Variants in NWD2 observed in about 807,000 individuals in gnomAD.
The protein encoded by NWD2 is NACHT and WD repeat domain containing 2, also known as NACHT and WD repeat domain-containing protein 2.
Under a neutral mutation model 132.7 loss-of-function variants are expected in NWD2, and 37 were observed. The ratio of observed to expected loss-of-function variants is 0.28; its 90% CI spans 0.21 to 0.37. NWD2 has a LOEUF of 0.37. Among genes scored for constraint, NWD2 ranks in the 10% least tolerant of loss-of-function variants. NWD2 has a pLI of 1.00. For synonymous variants in NWD2, 705 were observed against 803.0 expected, an observed-to-expected ratio of 0.88 and a Z score of 2.06; for missense variants, 1,592 against 2,122.4, an observed-to-expected ratio of 0.75 and a Z score of 4.91.
intron 1 of NWD2, among the ~76,000 whole-genome samples, chr4:37,316,057 T>G (rs78516235): frequency 0.026 from 3,938 of 151,924 alleles, 104 homozygotes; most frequent in East Asian, 0.091. Flanking sequence ...GAAGAAGATC[T>G]ACTTATATAG....
chr4:37,319,291 C>T (rs960783005), intron 1 of NWD2, among the ~76,000 whole-genome samples: 1 of 152,116 alleles, frequency 6.6e-6, no homozygotes, highest in African/African-American at 2.4e-5. Flanking sequence ...AGTACCTCTT[C>T]ATGTCTTTTG....
At position 37,273,206 on chromosome 4, in the gene NWD2, T is replaced by C. The variant is rs115900620; in HGVS notation, c.151+27988T>C. Among the ~76,000 whole-genome samples, 928 of 151,984 alleles carry C rather than the reference T, an allele frequency of 6.1e-3. 16 individuals carry two copies. The highest frequency in any genetic ancestry group is 0.024 in the Middle Eastern group (7 of 294). ...CAGATTTTTTTATTGCCCTCTGCAT[T>C]TTCATTATGTCATTCCACAGCCTTC... On this transcript the variant is annotated intron_variant, in intron 1 of 6. Transcript: ENST00000309447.
At chr4:37,369,226 A>G (rs760388719) in intron 3 of NWD2, among the ~76,000 whole-genome samples, 2 of 152,214 alleles carry the variant, frequency 1.3e-5, no homozygotes, top group Non-Finnish European at 2.9e-5. Context: ...ATATGTATTA[A>G]TCAGACAGAA....
chr4:37,364,726 T>A (rs912957956), intron 3 of NWD2, among the ~76,000 whole-genome samples: 22 of 116,230 alleles, frequency 1.9e-4, no homozygotes, highest in African/African-American at 5.1e-4. Flanking sequence ...ACACACACAC[T>A]GCCATCAGTG....
In NWD2 at chr4:37,358,019, A is replaced by G. The variant is rs2376781; in HGVS notation, c.357+1537A>G. ...GGGAGGAGGGCATGGGATATGGGGA[A>G]CGTATCATGGGGCCTTTTCATCTTT... On this transcript the variant is annotated intron_variant, in intron 3 of 6. Coordinates refer to ENST00000309447, the MANE Select transcript of NWD2 (RefSeq NM_001144990.2). Among the ~76,000 whole-genome samples, 1,356 of 152,178 alleles carry G rather than the reference A, an allele frequency of 8.9e-3. 12 individuals carry two copies. The highest frequency in any genetic ancestry group is 0.03 in the African/African-American group (1,261 of 41,528).
At chr4:37,373,969 A>G (rs1349068302) in intron 3 of NWD2, among the ~76,000 whole-genome samples, 1 of 152,226 alleles carries the variant, frequency 6.6e-6, no homozygotes, top group African/African-American at 2.4e-5. Flanking sequence ...AAAACCGTGC[A>G]TAGAGAATAG....
At chr4:37,384,141 A>C (rs895927616) in intron 3 of NWD2, among the ~76,000 whole-genome samples, 6 of 152,144 alleles carry the variant, frequency 3.9e-5, no homozygotes, top group Non-Finnish European at 8.8e-5. Flanking sequence ...TTAGGAGCAG[A>C]CAGACTTAGG....
At chr4:37,337,384 C>T (rs1719430540) in intron 2 of NWD2, among the ~76,000 whole-genome samples, 1 of 151,942 alleles carries the variant, frequency 6.6e-6, no homozygotes, top group African/African-American at 2.4e-5. Flanking sequence ...ATGTGCTGGT[C>T]CCAGCCCTTT....
At chr4:37,247,489 T>G (rs1430388554) in intron 1 of NWD2, among the ~76,000 whole-genome samples, 2 of 152,194 alleles carry the variant, frequency 1.3e-5, no homozygotes, top group Non-Finnish European at 2.9e-5. Context: ...ACAGCAATAC[T>G]CAGAACCCAG....
rs75209369 is a variant in NWD2, at chr4:37,250,383, G to C, written c.151+5165G>C. ...GATACAGATATTTATAGCTAGACTT[G>C]GGAGCCAGGTTTCCTGCATTTAAAT... On this transcript the variant is annotated intron_variant, in intron 1 of 6. Transcript: ENST00000309447. Among the ~76,000 whole-genome samples, 491 of 152,248 alleles carry C rather than the reference G, an allele frequency of 3.2e-3. 9 individuals are homozygous for C. In the East Asian group the frequency reaches 0.062, roughly 19 times the overall value.
chr4:37,395,584 C>CAAAAAAAAAAAAAAA lies in NWD2; in HGVS notation c.358-34977_358-34963dup, dbSNP rs1156884728. Among the ~76,000 whole-genome samples the CAAAAAAAAAAAAAAA allele has an allele frequency of 1.7e-3, 31 of 18,284 alleles. 4 individuals are homozygous for CAAAAAAAAAAAAAAA. The highest frequency in any genetic ancestry group is 5.0e-3 in the East Asian group (2 of 400). 12.0% of individuals were successfully genotyped at this position (18,284 alleles called of 152,430 possible). A position where few individuals can be genotyped will look rare whatever the true frequency, so the allele number is the denominator to read the frequency against. On this transcript the variant is annotated intron_variant, in intron 3 of 6. Transcript: ENST00000309447. ...GGGCAACAAGAGCGAAACTCTGTCTCAAAAAAAAAAAAAAAAAAAAAAAAA... is the reference window on the plus strand; with the variant it reads ...GGGCAACAAGAGCGAAACTCTGTCTCAAAAAAAAAAAAAAAAAAAAAAAAAAAAAAAAAAAAAAAA...
chr4:37,402,409 C>G (rs1195510577), intron 3 of NWD2, among the ~76,000 whole-genome samples: 1 of 152,078 alleles, frequency 6.6e-6, no homozygotes, highest in African/African-American at 2.4e-5. Flanking sequence ...TTATCTTTCC[C>G]AGCAACAAAC....
chr4:37,373,579 A>C (rs1237234362), intron 3 of NWD2, among the ~76,000 whole-genome samples: 1 of 152,214 alleles, frequency 6.6e-6, no homozygotes, highest in Non-Finnish European at 1.5e-5. Context: ...GGGAATTCTA[A>C]ATATTCATAT....
At chr4:37,417,798 C>G (rs1402143888) in intron 3 of NWD2, among the ~76,000 whole-genome samples, 7 of 152,070 alleles carry the variant, frequency 4.6e-5, no homozygotes, top group Non-Finnish European at 8.8e-5. Flanking sequence ...AGATCAGCAA[C>G]AGGAGGAGGC....
intron 1 of NWD2, among the ~76,000 whole-genome samples, chr4:37,319,823 G>A (rs79399328): frequency 0.025 from 3,793 of 152,082 alleles, 143 homozygotes; most frequent in African/African-American, 0.085. Flanking sequence ...ATTATGTTAC[G>A]TTGGTCTATG....
intron 6 of NWD2, among the ~76,000 whole-genome samples, chr4:37,442,959 T>C (rs760808884): frequency 7.2e-5 from 11 of 151,992 alleles, no homozygotes; most frequent in Admixed American, 2.6e-4. Flanking sequence ...AAGCTGACCA[T>C]ACTAGATATT....
chr4:37,245,105 C>T lies in NWD2; in HGVS notation c.38C>T (p.Pro13Leu). ...PAGAGTKLPC[P>L]RDSALRRAAF... Reference sequence around the variant, plus strand: ...GGCGCGGGCACCAAGCTGCCCTGTCCCCGAGACTCTGCGCTCCGGCGGGCG... The same window carrying T: ...GGCGCGGGCACCAAGCTGCCCTGTCTCCGAGACTCTGCGCTCCGGCGGGCG... Residue 13 changes from proline to leucine, a missense_variant, in exon 1 of 7, where the codon CCC becomes CTC. Pro to Leu is a moderately conservative substitution (Grantham distance 98). This residue lies in a region of NWD2 where 88 missense variants were observed against 92.8 expected (regional missense o/e 0.95). Coordinates refer to ENST00000309447, the MANE Select transcript of NWD2 (RefSeq NM_001144990.2). The T allele has an allele frequency of 6.5e-7, 1 of 1,547,480 alleles. No individual in the cohort carries two copies. The highest frequency in any genetic ancestry group is 1.2e-5 in the South Asian group (1 of 83,994).
chr4:37,311,764 C>A (rs1405749289), intron 1 of NWD2, among the ~76,000 whole-genome samples: 1 of 148,790 alleles, frequency 6.7e-6, no homozygotes. Flanking sequence ...GGTTTTAGGT[C>A]TAACATTTAA....
intron 3 of NWD2, among the ~76,000 whole-genome samples, chr4:37,405,822 T>C (rs1018883431): frequency 6.6e-6 from 1 of 152,192 alleles, no homozygotes; most frequent in Non-Finnish European, 1.5e-5. Flanking sequence ...TAGGAATATG[T>C]GATATTACAG....
Sources: gnomAD v4.1 joint callset for allele counts (sites outside exome capture counted in the v4.1 genomes callset) on GRCh38, gnomAD v4.1.1 for gene constraint, gnomAD v4.1.1 regional missense constraint, MANE v1.5 for transcripts, NCBI Gene and HGNC (gene_info 2026-07-23, HGNC 2026-07-21) for gene names.